PIK3C2G: variants seen among roughly 807,000 people sequenced by gnomAD.
The protein encoded by PIK3C2G is phosphatidylinositol-4-phosphate 3-kinase catalytic subunit type 2 gamma, also known as phosphatidylinositol 3-kinase C2 domain-containing subunit gamma.
In PIK3C2G, 168 loss-of-function variants were observed where a neutral mutation model predicts 181.1. That is an observed-to-expected ratio of 0.93 (90% CI 0.82 to 1.05). The LOEUF (loss-of-function observed/expected upper bound fraction) is 1.05, where lower values mean the gene tolerates loss of function less well. Ranked by LOEUF, PIK3C2G falls within the 50% of genes least tolerant of loss-of-function variation. The pLI, the probability that PIK3C2G is intolerant of heterozygous loss-of-function variation, is 0.00. For synonymous variants in PIK3C2G, 573 were observed against 592.2 expected (o/e 0.97, Z 0.47); for missense variants, 1,869 against 1,732.8 (o/e 1.08, Z -1.40).
chr12:18,587,341 C>T (rs970602508), intron 29 of PIK3C2G, among the ~76,000 whole-genome samples: 2 of 152,030 alleles, frequency 1.3e-5, no homozygotes, highest in Non-Finnish European at 2.9e-5. Flanking sequence ...CTTAAGCTAA[C>T]AGACAACTTC....
the PIK3C2G span, chr12:18,683,549 C>T: frequency 2.0e-5 from 30 of 1,498,986 alleles, no homozygotes; most frequent in Admixed American, 6.0e-4. Flanking sequence ...CATACTTCTC[C>T]TTCCGCAAAG....
chr12:18,684,438 A>G, the PIK3C2G span, among the ~76,000 whole-genome samples: 3 of 152,094 alleles, frequency 2.0e-5, no homozygotes, highest in Non-Finnish European at 4.4e-5. Context: ...TGAGAGGAAT[A>G]ATAACCAGAC....
At chr12:18,656,953 C>T in the PIK3C2G span, among the ~76,000 whole-genome samples, 1 of 152,118 alleles carries the variant, frequency 6.6e-6, no homozygotes, top group African/African-American at 2.4e-5. Context: ...TTTAAGGCAG[C>T]CCTAATGACA....
At chr12:18,508,094 A>G (rs1460958911) in intron 24 of PIK3C2G, among the ~76,000 whole-genome samples, 3 of 152,234 alleles carry the variant, frequency 2.0e-5, no homozygotes, top group African/African-American at 7.2e-5. Context: ...TGATAGGATG[A>G]ATGAAAATGA....
chr12:18,719,409 G>A, the PIK3C2G span: 1 of 1,321,312 alleles, frequency 7.6e-7, no homozygotes. Context: ...AAATGTAATA[G>A]ATTTAAAAAT....
chr12:18,256,495 C>T (rs140204277), intron 1 of PIK3C2G, among the ~76,000 whole-genome samples: 2 of 152,060 alleles, frequency 1.3e-5, no homozygotes, highest in Admixed American at 6.6e-5. Context: ...GCCTAACCTT[C>T]GAAACTATAA....
At chr12:18,688,292 T>C in the PIK3C2G span, 1 of 1,473,112 alleles carries the variant, frequency 6.8e-7, no homozygotes, top group Non-Finnish European at 9.2e-7. Context: ...AAAATTAAGT[T>C]ATGTATTACA....
At chr12:18,570,336 G>GATATAGATAGATACATCTATATCTGTATC (rs1555132238) in intron 29 of PIK3C2G, among the ~76,000 whole-genome samples, 16 of 150,922 alleles carry the variant, frequency 1.1e-4, no homozygotes, top group African/African-American at 2.9e-4. Flanking sequence ...AGCCTCCCCA[G>GATATAGATAGATACATCTATATCTGTATC]TAGCTGGGAT....
intron 31 of PIK3C2G, among the ~76,000 whole-genome samples, chr12:18,632,440 A>G (rs1459979584): frequency 6.6e-6 from 1 of 152,168 alleles, no homozygotes; most frequent in African/African-American, 2.4e-5. Flanking sequence ...GTTCACCAGA[A>G]AAACAGAACC....
intron 30 of PIK3C2G, among the ~76,000 whole-genome samples, chr12:18,595,334 G>C (rs1026525329): frequency 6.6e-6 from 1 of 152,054 alleles, no homozygotes; most frequent in East Asian, 1.9e-4. Context: ...GTTGTTAAAT[G>C]ATTACAGGGT....
intron 28 of PIK3C2G, among the ~76,000 whole-genome samples, chr12:18,565,945 T>TCTAC (rs1945613796): frequency 6.6e-6 from 1 of 152,188 alleles, no homozygotes; most frequent in Non-Finnish European, 1.5e-5. Flanking sequence ...GATCTATCTC[T>TCTAC]CTACCTACCT....
intron 8 of PIK3C2G, among the ~76,000 whole-genome samples, chr12:18,332,434 A>G (rs902752356): frequency 6.6e-6 from 1 of 152,126 alleles, no homozygotes; most frequent in African/African-American, 2.4e-5. Flanking sequence ...GAGTCTCAGG[A>G]CTAGGACTCT....
intron 30 of PIK3C2G, among the ~76,000 whole-genome samples, chr12:18,596,070 CAATA>C (rs1947343814): frequency 6.6e-6 from 1 of 151,948 alleles, no homozygotes. Context: ...TATAGTTGTT[CAATA>C]AATAATTACT....
chr12:18,695,193 C>T, the PIK3C2G span: 1 of 1,055,554 alleles, frequency 9.5e-7, no homozygotes, highest in Non-Finnish European at 1.4e-6. Flanking sequence ...GTTCTATGAG[C>T]AAGTATCATT....
intron 26 of PIK3C2G, among the ~76,000 whole-genome samples, chr12:18,551,544 G>A (rs79025901): frequency 0.081 from 12,241 of 152,026 alleles, 1,389 homozygotes; most frequent in African/African-American, 0.25. Flanking sequence ...GGCCTGCCAT[G>A]TAAGTTCTCA....
chr12:18,660,623 C>T, the PIK3C2G span, among the ~76,000 whole-genome samples: 1 of 152,120 alleles, frequency 6.6e-6, no homozygotes, highest in Admixed American at 6.6e-5. Flanking sequence ...ATTTATACCT[C>T]AGGCTGGTCC....
At chr12:18,587,605 A>G (rs533485500) in intron 29 of PIK3C2G, among the ~76,000 whole-genome samples, 2 of 152,272 alleles carry the variant, frequency 1.3e-5, no homozygotes, top group Admixed American at 1.3e-4. Context: ...AAAGATTAAT[A>G]TCATTAAAAT....
chr12:18,463,741 C>T (rs1948044030), intron 18 of PIK3C2G, among the ~76,000 whole-genome samples: 1 of 152,146 alleles, frequency 6.6e-6, no homozygotes, highest in South Asian at 2.1e-4. Context: ...TCTTCATGAC[C>T]TAGACTCACA....
At chr12:18,579,596 A>G (rs1223070330) in intron 29 of PIK3C2G, among the ~76,000 whole-genome samples, 1 of 152,146 alleles carries the variant, frequency 6.6e-6, no homozygotes, top group African/African-American at 2.4e-5. Context: ...CTGACAAAAG[A>G]AAATGGACTA....
Sources: allele counts gnomAD v4.1 joint callset (sites outside exome capture counted in the v4.1 genomes callset), GRCh38; gene constraint gnomAD v4.1.1; transcripts MANE v1.5; gene names NCBI Gene and HGNC (gene_info 2026-07-23, HGNC 2026-07-21).